Variants in PTPRD observed in about 807,000 individuals in gnomAD.
PTPRD encodes receptor-type tyrosine-protein phosphatase delta.
Under a neutral mutation model 214.5 loss-of-function variants are expected in PTPRD, and 34 were observed. That is an observed-to-expected ratio of 0.16 (90% CI 0.12 to 0.21). The LOEUF (loss-of-function observed/expected upper bound fraction) is 0.21, where lower values mean the gene tolerates loss of function less well. Ranked by LOEUF, PTPRD falls within the 10% of genes least tolerant of loss-of-function variation. The pLI is 1.00. For missense variants in PTPRD, 2,545 were observed against 2,398.7 expected, an observed-to-expected ratio of 1.06 and a Z score of -1.27; for synonymous variants, 1,128 against 845.7, an observed-to-expected ratio of 1.33 and a Z score of -5.79.
At chr9:9,437,565 T>C (rs1213227231) in intron 8 of PTPRD, among the ~76,000 whole-genome samples, 1 of 152,190 alleles carries the variant, frequency 6.6e-6, no homozygotes, top group Non-Finnish European at 1.5e-5. Flanking sequence ...GTAGTCCTGC[T>C]TGAGGGTTCT....
intron 44 of PTPRD, among the ~76,000 whole-genome samples, chr9:8,326,385 T>A (rs1192448321): frequency 6.6e-6 from 1 of 152,166 alleles, no homozygotes; most frequent in Non-Finnish European, 1.5e-5. Flanking sequence ...TTGATTTGTG[T>A]ATGTTGAACA....
chr9:8,829,493 T>G (rs1005718674), intron 11 of PTPRD, among the ~76,000 whole-genome samples: 1 of 143,974 alleles, frequency 6.9e-6, no homozygotes, highest in Non-Finnish European at 1.5e-5. Context: ...AGCTCTGCAT[T>G]GTGCATTTAA....
intron 4 of PTPRD, among the ~76,000 whole-genome samples, chr9:9,991,812 T>C (rs1203768008): frequency 2.1e-5 from 3 of 145,072 alleles, no homozygotes; most frequent in Non-Finnish European, 4.5e-5. Flanking sequence ...ATAACAAATG[T>C]GCGAGGGACT....
rs139983222 is a variant in PTPRD, at chr9:9,836,504, C to A, written c.-367-69653G>T. ...GCCTGACTACTACCACTGATAAATG[C>A]CAAATTTGCCAATAATAGATATCAG... is the stretch of plus-strand genomic sequence containing the variant. On this transcript the variant is annotated intron_variant, in intron 5 of 45. Transcript: ENST00000381196. Among the ~76,000 whole-genome samples the A allele has an allele frequency of 6.3e-3, 955 of 152,172 alleles. 4 individuals carry two copies. Among genetic ancestry groups the A allele is most frequent in the Non-Finnish European group, 9.6e-3 (651 of 67,982 alleles).
intron 2 of PTPRD, among the ~76,000 whole-genome samples, chr9:10,398,114 C>G (rs1250848231): frequency 1.3e-5 from 2 of 151,476 alleles, no homozygotes; most frequent in African/African-American, 4.9e-5. Flanking sequence ...GCAGTGGGCT[C>G]ACACCTGTCA....
At chr9:9,721,817 C>G (rs2097954437) in intron 7 of PTPRD, among the ~76,000 whole-genome samples, 1 of 152,050 alleles carries the variant, frequency 6.6e-6, no homozygotes, top group African/African-American at 2.4e-5. Flanking sequence ...TAAAAATTAA[C>G]AGCACTGAAT....
chr9:9,932,510 G>C (rs1349002370), intron 5 of PTPRD, among the ~76,000 whole-genome samples: 1 of 131,782 alleles, frequency 7.6e-6, no homozygotes, highest in South Asian at 2.7e-4. Context: ...AATGAAGCGA[G>C]AAGGGAAGTT....
At chr9:8,734,096 G>C in intron 11 of PTPRD, 150 bp from the exon 12 acceptor site, 1 of 542,722 alleles carries the variant, frequency 1.8e-6, no homozygotes, top group Non-Finnish European at 3.3e-6. Flanking sequence ...TACTTTGTTT[G>C]TATTAGGAAG....
intron 2 of PTPRD, among the ~76,000 whole-genome samples, chr9:10,427,658 C>T (rs1218454649): frequency 1.3e-5 from 2 of 152,082 alleles, no homozygotes; most frequent in Admixed American, 1.3e-4. Context: ...CATGTAGTTT[C>T]TGTCCCGATT....
At chr9:8,639,725 T>C (rs2096532130) in intron 12 of PTPRD, among the ~76,000 whole-genome samples, 2 of 152,202 alleles carry the variant, frequency 1.3e-5, no homozygotes, top group African/African-American at 2.4e-5. Flanking sequence ...TCATCTGTCC[T>C]GTTGCCATGT....
At chr9:9,279,039 C>T (rs887547307) in intron 9 of PTPRD, among the ~76,000 whole-genome samples, 43 of 151,020 alleles carry the variant, frequency 2.8e-4, no homozygotes, top group African/African-American at 9.7e-4. Flanking sequence ...TTTATAGAGT[C>T]AAGGGGATAT....
chr9:9,857,451 C>T (rs1738598392), intron 5 of PTPRD, among the ~76,000 whole-genome samples: 1 of 152,100 alleles, frequency 6.6e-6, no homozygotes, highest in Non-Finnish European at 1.5e-5. Context: ...TAGGTAATTG[C>T]TTTTTTATTT....
intron 10 of PTPRD, among the ~76,000 whole-genome samples, chr9:9,171,654 G>A (rs528381539): frequency 5.3e-5 from 8 of 152,026 alleles, no homozygotes; most frequent in African/African-American, 1.9e-4. Flanking sequence ...TATAAGAGAA[G>A]AGAGACTGCA....
intron 12 of PTPRD, among the ~76,000 whole-genome samples, chr9:8,691,069 T>C (rs1245735456): frequency 2.6e-5 from 4 of 152,124 alleles, no homozygotes; most frequent in African/African-American, 2.4e-5. Context: ...AAACAATTTG[T>C]AAACTAAGAA....
intron 8 of PTPRD, among the ~76,000 whole-genome samples, chr9:9,537,459 G>A (rs2076750417): frequency 6.6e-6 from 1 of 151,824 alleles, no homozygotes; most frequent in Non-Finnish European, 1.5e-5. Context: ...TCTTATCGTG[G>A]AGTTCCTGAA....
At chr9:10,438,008 CATATAT>C (rs71485332) in intron 2 of PTPRD, among the ~76,000 whole-genome samples, 2,066 of 125,148 alleles carry the variant, frequency 0.017, 264 homozygotes, top group African/African-American at 0.074. Flanking sequence ...CCTAAGTCTA[CATATAT>C]ATATATATAT....
rs117163647 is a variant in PTPRD at position 10,186,936 on chromosome 9, G to C, written c.-544-153146C>G. 1.1e-3 allele frequency among the ~76,000 whole-genome samples: 165 copies of C among 152,220 alleles called. 1 individual carries two copies. The highest frequency in any genetic ancestry group is 3.4e-3 in the Middle Eastern group (1 of 292). On this transcript the variant is annotated intron_variant, in intron 3 of 45. Transcript: ENST00000381196. ...AGAAACCCCCATGATTAATGTTCTTGAGAGCAGTAACAGTCCTATTACTCA... is the reference window on the plus strand; with the variant it reads ...AGAAACCCCCATGATTAATGTTCTTCAGAGCAGTAACAGTCCTATTACTCA...
intron 7 of PTPRD, among the ~76,000 whole-genome samples, chr9:9,575,717 C>CAAAAAAAAAAAAAAAAAAAA (rs757614546): frequency 4.8e-4 from 16 of 33,312 alleles, no homozygotes; most frequent in East Asian, 1.3e-3. Context: ...AAGACTGTCT[C>CAAAAAAAAAAAAAAAAAAAA]AAAAAAAAAA....
chr9:8,335,231 C>G (rs13290756), intron 43 of PTPRD, among the ~76,000 whole-genome samples: 2 of 146,744 alleles, frequency 1.4e-5, no homozygotes, highest in East Asian at 2.0e-4. Context: ...TGATGAACAT[C>G]GATGCCAAAA....
Sources: allele counts gnomAD v4.1 joint callset (sites outside exome capture counted in the v4.1 genomes callset), GRCh38; gene constraint gnomAD v4.1.1; transcripts MANE v1.5; gene names NCBI Gene and HGNC (gene_info 2026-07-23, HGNC 2026-07-21).